MUSK: variants seen among roughly 807,000 people sequenced by gnomAD.
MUSK encodes muscle associated receptor tyrosine kinase.
Under a neutral mutation model 88.7 loss-of-function variants are expected in MUSK, and 55 were observed. The observed-to-expected ratio is 0.62, with a 90% CI of 0.50 to 0.78. The LOEUF (loss-of-function observed/expected upper bound fraction) is 0.78. Among genes scored for constraint, MUSK ranks in the 30% least tolerant of loss-of-function variants. The pLI, the probability that MUSK is intolerant of heterozygous loss-of-function variation, is 0.00. For synonymous variants in MUSK, 387 were observed against 391.9 expected (o/e 0.99, Z 0.15); for missense variants, 1,015 against 1,074.3 (o/e 0.94, Z 0.77).
chr9:110,786,282 G>T (rs1299474751), intron 13 of MUSK, among the ~76,000 whole-genome samples: 1 of 144,146 alleles, frequency 6.9e-6, no homozygotes, highest in Non-Finnish European at 1.5e-5. Flanking sequence ...CTGCACTCCA[G>T]CCTGGGTGAC....
At chr9:110,717,209 T>C (rs2076755593) in intron 5 of MUSK, among the ~76,000 whole-genome samples, 1 of 149,714 alleles carries the variant, frequency 6.7e-6, no homozygotes, top group South Asian at 2.1e-4. Context: ...TGTTTTCTGG[T>C]AGATCATTAT....
chr9:110,785,880 C>CTG (rs1368936903), intron 13 of MUSK, among the ~76,000 whole-genome samples, 162 bp downstream of exon 13: 1 of 146,744 alleles, frequency 6.8e-6, no homozygotes, highest in African/African-American at 2.5e-5. Flanking sequence ...TATATGTACA[C>CTG]TGTGTGTGTA....
At chr9:110,672,688 T>C (rs1001067126) in intron 1 of MUSK, among the ~76,000 whole-genome samples, 2 of 152,102 alleles carry the variant, frequency 1.3e-5, no homozygotes, top group Admixed American at 1.3e-4. Context: ...ATTCATAATG[T>C]TAGAGAAACA....
intron 1 of MUSK, among the ~76,000 whole-genome samples, chr9:110,670,995 C>G (rs1402812359): frequency 6.6e-6 from 1 of 152,030 alleles, no homozygotes; most frequent in African/African-American, 2.4e-5. Context: ...TTATTTGAGA[C>G]AGAGTCTCGT....
At position 110,669,815 on chromosome 9, in the gene MUSK, G is replaced by C. The variant is rs1294457588; in HGVS notation, c.79+832G>C. On this transcript the variant is annotated intron_variant, in intron 1 of 14. Transcript: ENST00000374448. The stretch of plus-strand genomic sequence containing the variant: ...GAAATCTTTTTTTAAAAAGACATGA[G>C]AAAGCAGATCGAGTGGTATCAATAC... Among the ~76,000 whole-genome samples the C allele has an allele frequency of 8.5e-5, 13 of 152,268 alleles. No individual in the cohort carries two copies. The East Asian group carries it at 2.3e-3, about 27-fold the overall frequency.
At chr9:110,697,177 G>T in intron 4 of MUSK, 148 bp from the exon 5 acceptor site, 1 of 745,030 alleles carries the variant, frequency 1.3e-6, no homozygotes. Flanking sequence ...ATTTAATATT[G>T]TATGTTTTAC....
chr9:110,717,087 T>C (rs909389041), intron 5 of MUSK, among the ~76,000 whole-genome samples: 1 of 149,918 alleles, frequency 6.7e-6, no homozygotes, highest in African/African-American at 2.5e-5. Context: ...TTTTAGTAGA[T>C]AAGTGTAGGT....
In MUSK at chr9:110,790,097, A is replaced by T. The variant is rs112994504; in HGVS notation, c.1927+2259A>T. 7.9e-3 allele frequency among the ~76,000 whole-genome samples: 1,200 copies of T among 152,306 alleles called. 12 individuals carry two copies. The highest frequency in any genetic ancestry group is 0.017 in the Middle Eastern group (5 of 294). ...CGAGCAACCAATGAAATAGAAGTAA[A>T]TCAAGAGAGTGTGGTGTCCTGGATG... On this transcript the variant is annotated intron_variant, in intron 14 of 14. Transcript: ENST00000374448.
At chr9:110,718,857 G>A (rs958609394) in intron 5 of MUSK, among the ~76,000 whole-genome samples, 1 of 152,050 alleles carries the variant, frequency 6.6e-6, no homozygotes, top group African/African-American at 2.4e-5. Flanking sequence ...TCTTATAAAG[G>A]AAAATCTATC....
intron 5 of MUSK, among the ~76,000 whole-genome samples, chr9:110,719,932 A>G (rs1003239873): frequency 6.6e-6 from 1 of 152,142 alleles, no homozygotes; most frequent in African/African-American, 2.4e-5. Context: ...ATCAACTCCA[A>G]AAGGAACCCT....
At chr9:110,713,789 A>G (rs1285973862) in intron 5 of MUSK, among the ~76,000 whole-genome samples, 1 of 152,200 alleles carries the variant, frequency 6.6e-6, no homozygotes, top group Non-Finnish European at 1.5e-5. Flanking sequence ...TGGCTAAAAC[A>G]AAAATCTTAT....
Position 110,697,254 on chromosome 9 carries a change from G to A in MUSK, c.487-71G>A. ...ATGATAATAGTGATGACAATAAGTTGATGATATTTGGCAAATGTATCCTTG... is the reference window on the plus strand; with the variant it reads ...ATGATAATAGTGATGACAATAAGTTAATGATATTTGGCAAATGTATCCTTG... On this transcript the variant is annotated intron_variant, in intron 4 of 14. Coordinates refer to ENST00000374448, the MANE Select transcript of MUSK (RefSeq NM_005592.4). The A allele has an allele frequency of 1.7e-5, 25 of 1,502,320 alleles. 1 individual carries two copies. In the South Asian group the frequency reaches 2.9e-4, roughly 17 times the overall value. The allele number at this position is 1,502,320 out of a possible 1,614,324, so 93.1% of individuals were successfully genotyped here.
At chr9:110,759,312 C>T (rs1164211533) in intron 7 of MUSK, among the ~76,000 whole-genome samples, 2 of 152,082 alleles carry the variant, frequency 1.3e-5, no homozygotes, top group Non-Finnish European at 2.9e-5. Flanking sequence ...CTTCCTTACA[C>T]CATATACAAA....
intron 6 of MUSK, among the ~76,000 whole-genome samples, chr9:110,738,749 T>C (rs930300239): frequency 6.6e-6 from 1 of 152,182 alleles, no homozygotes; most frequent in African/African-American, 2.4e-5. Flanking sequence ...GATGCACTTG[T>C]AAGTTGGCTT....
At chr9:110,745,886 G>A (rs1028376522) in intron 6 of MUSK, among the ~76,000 whole-genome samples, 2 of 152,298 alleles carry the variant, frequency 1.3e-5, no homozygotes, top group South Asian at 2.1e-4. Context: ...TTGGACAAAC[G>A]TTCACTGCAT....
chr9:110,756,499 G>T lies in MUSK; in HGVS notation c.914-5703G>T, dbSNP rs527481210. On this transcript the variant is annotated intron_variant, in intron 7 of 14. Coordinates refer to ENST00000374448, the MANE Select transcript of MUSK (RefSeq NM_005592.4). ...TTCTATTCCTGGACCCTCTCACTCT[G>T]CCCTCAGATTGTTGCAATTCTTTTT... 2.7e-5 allele frequency among the ~76,000 whole-genome samples: 4 copies of T among 150,456 alleles called. No homozygotes were observed. In the South Asian group the frequency reaches 6.3e-4, roughly 24 times the overall value.
At chr9:110,703,090 A>G (rs1012327000) in intron 5 of MUSK, among the ~76,000 whole-genome samples, 1 of 152,172 alleles carries the variant, frequency 6.6e-6, no homozygotes, top group Admixed American at 6.5e-5. Context: ...CACAATGCAA[A>G]ATTGTCACAC....
chr9:110,785,780 A>G, intron 13 of MUSK, 62 bp downstream of exon 13: 4 of 1,209,080 alleles, frequency 3.3e-6, no homozygotes, highest in Non-Finnish European at 3.4e-6. Flanking sequence ...AAGCTACCAA[A>G]CTATTAGCTT....
At position 110,787,777 on chromosome 9, in the gene MUSK, C is replaced by T. The variant is rs770816649; in HGVS notation, c.1866C>T (p.Asp622=). The T allele has an allele frequency of 6.2e-7, 1 of 1,613,646 alleles. No homozygotes were observed. The highest frequency in any genetic ancestry group is 1.3e-5 in the African/African-American group (1 of 74,926). ...AAGCCTCGGCAGATATGCAAGCGGACTTTCAGAGGGAGGCAGCCCTCATGG... is the reference window on the plus strand; with the variant it reads ...AAGCCTCGGCAGATATGCAAGCGGATTTTCAGAGGGAGGCAGCCCTCATGG... ...KEEASADMQA[D]FQREAALMAE... is the part of the protein sequence containing the mutation. The change falls in exon 14 of 15, where the codon GAC becomes GAT. Residue 622 remains aspartate, a synonymous_variant. Coordinates refer to ENST00000374448, the MANE Select transcript of MUSK (RefSeq NM_005592.4).
Sources: gnomAD v4.1 joint callset for allele counts (sites outside exome capture counted in the v4.1 genomes callset) on GRCh38, gnomAD v4.1.1 for gene constraint, MANE v1.5 for transcripts, NCBI Gene and HGNC (gene_info 2026-07-23, HGNC 2026-07-21) for gene names.